The following COL5A1 variants were observed in gnomAD, a reference collection of about 807,000 sequenced individuals.
COL5A1 encodes the protein collagen alpha-1(V) chain.
In COL5A1, 16 loss-of-function variants were observed where a neutral mutation model predicts 263.7. That is an observed-to-expected ratio of 0.06 (90% CI 0.04 to 0.09). The LOEUF is 0.09. Among genes scored for constraint, COL5A1 ranks in the 10% least tolerant of loss-of-function variants. The pLI, the probability that COL5A1 is intolerant of heterozygous loss-of-function variation, is 1.00. For missense variants in COL5A1, 2,036 were observed against 2,540.5 expected (o/e 0.80, Z 4.27); for synonymous variants, 1,012 against 1,004.5 (o/e 1.01, Z -0.14).
chr9:134,720,322 G>T (rs1834406823), intron 4 of COL5A1, among the ~76,000 whole-genome samples: 4 of 152,156 alleles, frequency 2.6e-5, no homozygotes, highest in Admixed American at 2.6e-4. Context: ...ACCAGCCCCT[G>T]GCCCTTTGTT....
intron 50 of COL5A1, 146 bp from the exon 51 acceptor site, chr9:134,815,430 A>G: frequency 1.2e-6 from 1 of 822,546 alleles, no homozygotes; most frequent in Non-Finnish European, 2.1e-6. Flanking sequence ...TGGGCCATAA[A>G]GTGCACTGGG....
At chr9:134,831,197 G>A (rs1444690787) in intron 64 of COL5A1, among the ~76,000 whole-genome samples, 1 of 152,210 alleles carries the variant, frequency 6.6e-6, no homozygotes, top group Non-Finnish European at 1.5e-5. Flanking sequence ...AGCCGCCTTT[G>A]CCCTGTCTGC....
chr9:134,709,918 A>G lies in COL5A1; in HGVS notation c.654+8585A>G, dbSNP rs140845280. Among the ~76,000 whole-genome samples the G allele has an allele frequency of 8.3e-4, 126 of 152,126 alleles. No homozygotes were observed. In the Middle Eastern group the frequency reaches 0.024, roughly 29 times the overall value. ...GCAGGGCTGCGGTGGAGGGGGAGCA[A>G]AGGGGCAGGGCGTCCCCTGTGGGAG... On this transcript the variant is annotated intron_variant, in intron 4 of 65. Coordinates refer to ENST00000371817, the MANE Select transcript of COL5A1 (RefSeq NM_000093.5).
At chr9:134,691,911 T>C (rs572227800) in intron 2 of COL5A1, 2 of 152,350 alleles carry the variant, frequency 1.3e-5, no homozygotes, top group Non-Finnish European at 2.9e-5. Flanking sequence ...GACCCCGGCA[T>C]TGAACCCACG....
chr9:134,807,749 C>T (rs985118657), intron 42 of COL5A1, among the ~76,000 whole-genome samples: 1 of 152,208 alleles, frequency 6.6e-6, no homozygotes, highest in Admixed American at 6.5e-5. Flanking sequence ...TTGGTGTCTT[C>T]TAATCATTTC....
chr9:134,704,701 G>A (rs2132581164), intron 4 of COL5A1, among the ~76,000 whole-genome samples: 1 of 152,248 alleles, frequency 6.6e-6, no homozygotes, highest in Non-Finnish European at 1.5e-5. Context: ...TTTCCTGGCT[G>A]TTAGCTGTGC....
intron 18 of COL5A1, among the ~76,000 whole-genome samples, chr9:134,761,524 C>T (rs1438512067): frequency 6.6e-6 from 1 of 152,244 alleles, no homozygotes; most frequent in Non-Finnish European, 1.5e-5. Flanking sequence ...ATATTGAGCA[C>T]CCACTGCGTG....
chr9:134,776,862 T>C (rs1156737837), intron 27 of COL5A1, among the ~76,000 whole-genome samples: 1 of 152,188 alleles, frequency 6.6e-6, no homozygotes, highest in African/African-American at 2.4e-5. Context: ...AGTTCCTTGA[T>C]GGTCCCGTCT....
In COL5A1 at chr9:134,789,418, G is replaced by A. The variant is rs1331557101; in HGVS notation, c.2700+210G>A. ...GCTGGGCAGGTATGTGATAGGAAGGGGCAGAGGCAGGAAGGAAGTGTGCTG... is the reference window on the plus strand; with the variant it reads ...GCTGGGCAGGTATGTGATAGGAAGGAGCAGAGGCAGGAAGGAAGTGTGCTG... On this transcript the variant is annotated intron_variant, in intron 32 of 65. Transcript: ENST00000371817. The surrounding 1 kb of genome is among the most constrained non-coding windows in gnomAD (Gnocchi z 4.8). Among the ~76,000 whole-genome samples the A allele has an allele frequency of 1.3e-5, 2 of 152,208 alleles. No individual in the cohort carries two copies. Among genetic ancestry groups the A allele is most frequent in the Non-Finnish European group, 2.9e-5 (2 of 68,038 alleles).
intron 11 of COL5A1, among the ~76,000 whole-genome samples, chr9:134,740,914 A>C (rs751284819): frequency 6.6e-6 from 1 of 151,662 alleles, no homozygotes; most frequent in Non-Finnish European, 1.5e-5. Flanking sequence ...AGAGGAGCCA[A>C]CTCCTCCAGG....
intron 9 of COL5A1, among the ~76,000 whole-genome samples, chr9:134,738,230 C>T (rs541989125): frequency 5.9e-5 from 9 of 152,258 alleles, no homozygotes; most frequent in African/African-American, 1.4e-4. Flanking sequence ...GCTGGTCTTG[C>T]GGGAGCCTGT....
rs150027666 is a variant in COL5A1, at chr9:134,815,334, C to T, written c.4015-242C>T. On this transcript the variant is annotated intron_variant, in intron 50 of 65. Coordinates refer to ENST00000371817, the MANE Select transcript of COL5A1 (RefSeq NM_000093.5). ...CGGAACGCCTGCCCCTTGCTTGGCT[C>T]TGGAAAGCAAGAGACCAGCTGACCC... is the stretch of plus-strand genomic sequence containing the variant. 1.6e-3 allele frequency among the ~76,000 whole-genome samples: 238 copies of T among 152,360 alleles called. 2 individuals are homozygous for T. In the Middle Eastern group the frequency reaches 0.02, roughly 13 times the overall value.
chr9:134,713,639 C>T (rs1834147044), intron 4 of COL5A1, among the ~76,000 whole-genome samples: 1 of 152,148 alleles, frequency 6.6e-6, no homozygotes, highest in African/African-American at 2.4e-5. Context: ...GGAGAAGCGG[C>T]AGTGAAGTGT....
At chr9:134,830,394 T>C (rs1379485736) in intron 64 of COL5A1, 1 of 607,034 alleles carries the variant, frequency 1.6e-6, no homozygotes, top group African/African-American at 1.9e-5. Context: ...AGGCAGATGG[T>C]TTTCCGTTTC....
Position 134,765,865 on chromosome 9 carries a change from T to C in COL5A1, c.2088+131T>C. ...CCCTCTGGCGCCTGCCTGCTGCCAG[T>C]GTGAGGCGTGAGCGGGACACTGATG... On this transcript the variant is annotated intron_variant, in intron 21 of 65. Transcript: ENST00000371817. This position sits in a 1 kb window ranked among gnomAD's most constrained non-coding sequence, Gnocchi z 5.1. The C allele has an allele frequency of 1.4e-6, 1 of 719,082 alleles. No individual in the cohort carries two copies. The highest frequency in any genetic ancestry group is 2.3e-6 in the Non-Finnish European group (1 of 427,128). The allele number at this position is 719,082 out of a possible 1,614,324, so 44.5% of individuals were successfully genotyped here.
intron 9 of COL5A1, among the ~76,000 whole-genome samples, chr9:134,736,177 C>T (rs570940032): frequency 2.0e-5 from 3 of 148,644 alleles, no homozygotes; most frequent in Admixed American, 1.3e-4. Context: ...CCTGGCTGGA[C>T]ACAACCTTTG....
chr9:134,699,007 C>G (rs1339974554), intron 2 of COL5A1, among the ~76,000 whole-genome samples: 1 of 152,194 alleles, frequency 6.6e-6, no homozygotes, highest in Non-Finnish European at 1.5e-5. Context: ...CAGCCTTAGG[C>G]CCAGCACTTT....
intron 6 of COL5A1, among the ~76,000 whole-genome samples, 195 bp downstream of exon 6, chr9:134,729,002 G>T (rs1387134993): frequency 1.3e-5 from 2 of 152,230 alleles, no homozygotes; most frequent in African/African-American, 4.8e-5. Context: ...GCTTTCCGCA[G>T]TGAGGAGGAC....
chr9:134,719,426 A>C (rs914995412), intron 4 of COL5A1, among the ~76,000 whole-genome samples: 1 of 152,254 alleles, frequency 6.6e-6, no homozygotes, highest in Admixed American at 6.5e-5. Flanking sequence ...ATGCACGCAC[A>C]CGTATGTATG....
Sources: gnomAD v4.1 joint callset for allele counts (sites outside exome capture counted in the v4.1 genomes callset) on GRCh38, gnomAD v4.1.1 for gene constraint, Gnocchi (gnomAD v3.1) non-coding constraint, MANE v1.5 for transcripts, NCBI Gene and HGNC (gene_info 2026-07-23, HGNC 2026-07-21) for gene names.